SNRPN: variants seen among roughly 807,000 people sequenced by gnomAD.
The protein encoded by SNRPN is small nuclear ribonucleoprotein-associated protein N.
A neutral mutation model predicts 25.2 loss-of-function variants in SNRPN; 7 were observed. The ratio of observed to expected loss-of-function variants is 0.28; its 90% CI spans 0.16 to 0.52. SNRPN has a LOEUF of 0.52. Among genes scored for constraint, SNRPN ranks in the 20% least tolerant of loss-of-function variants. The pLI, the probability that SNRPN is intolerant of heterozygous loss-of-function variation, is 0.96. For missense variants in SNRPN, 196 were observed against 322.5 expected (o/e 0.61, Z 3.00); for synonymous variants, 124 against 110.6 (o/e 1.12, Z -0.76).
chr15:24,929,959 G>A lies in SNRPN; in HGVS notation c.-391+9835G>A, dbSNP rs11855695. 2.6e-3 allele frequency among the ~76,000 whole-genome samples: 389 copies of A among 152,078 alleles called. 1 individual carries two copies. The highest frequency in any genetic ancestry group is 8.6e-3 in the African/African-American group (355 of 41,496). On this transcript the variant is annotated intron_variant, in intron 3 of 11. Coordinates refer to the SNRPN transcript ENST00000400097. The surrounding 1 kb of genome is among the most constrained non-coding windows in gnomAD (Gnocchi z 5.3). ...TCCCAGCACTTTGGGAGGCCAAGGC[G>A]GGTGGATCACGAGGTCAGGAGATCA...
chr15:24,928,771 AT>A (rs201347453), intron 3 of SNRPN, among the ~76,000 whole-genome samples: 3 of 150,864 alleles, frequency 2.0e-5, no homozygotes, highest in East Asian at 1.9e-4. Context: ...ATGCCTAGCT[AT>A]TTTTTTTTAA....
chr15:24,917,840 T>C lies in SNRPN; in HGVS notation c.-504-2171T>C, dbSNP rs139027975. On this transcript the variant is annotated intron_variant, in intron 2 of 11. Transcript: ENST00000400097. ...AGTCTTAACAATGTACCCTGTAAAATAAGATTTTAAAAGAGCCAACTTCCC... is the reference window on the plus strand; with the variant it reads ...AGTCTTAACAATGTACCCTGTAAAACAAGATTTTAAAAGAGCCAACTTCCC... 3.5e-3 allele frequency among the ~76,000 whole-genome samples: 530 copies of C among 152,356 alleles called. 4 individuals are homozygous for C. Among genetic ancestry groups the C allele is most frequent in the African/African-American group, 0.012 (485 of 41,590 alleles).
chr15:24,885,711 TGGG>T (rs1157640085), intron 1 of SNRPN, among the ~76,000 whole-genome samples: 1 of 135,110 alleles, frequency 7.4e-6, no homozygotes, highest in Non-Finnish European at 1.6e-5. Context: ...GGAAGGAATC[TGGG>T]GCTGTGTGTG....
At chr15:24,837,369 GA>G (rs1417129761) in intron 2 of SNRPN, among the ~76,000 whole-genome samples, 1 of 123,336 alleles carries the variant, frequency 8.1e-6, no homozygotes, top group Non-Finnish European at 1.7e-5. Context: ...GGGGGCTACA[GA>G]TTTTTTTTTT....
intron 3 of SNRPN, among the ~76,000 whole-genome samples, chr15:24,972,898 C>G (rs1310098896): frequency 2.0e-5 from 3 of 151,640 alleles, no homozygotes; most frequent in Non-Finnish European, 4.4e-5. Flanking sequence ...CCCACCACCC[C>G]CAACCCTGAG....
At chr15:24,908,939 G>A in intron 2 of SNRPN, 1 of 1,227,814 alleles carries the variant, frequency 8.1e-7, no homozygotes, top group South Asian at 1.3e-5. Context: ...TTAGCTCTCA[G>A]CAGCCTGCTT....
intron 2 of SNRPN, among the ~76,000 whole-genome samples, chr15:24,893,077 T>A (rs190619121): frequency 1.5e-3 from 232 of 151,642 alleles, no homozygotes; most frequent in Non-Finnish European, 2.7e-3. Flanking sequence ...GGCATGGAGG[T>A]GCACGTCTGT....
At chr15:24,850,355 G>C (rs1396868184) in intron 2 of SNRPN, 1 of 152,112 alleles carries the variant, frequency 6.6e-6, no homozygotes, top group Non-Finnish European at 1.5e-5. Context: ...TTGTTGTCCA[G>C]GCTGGAGTGC....
rs547946932 is a variant in SNRPN at position 24,835,735 on chromosome 15, A to G, written c.-579+5830A>G. ...ACAACTTTTTAAACGTACCATGGGG[A>G]AGAAAGGTCCAGAACCTATGCGCGG... On this transcript the variant is annotated intron_variant, in intron 2 of 12. Coordinates refer to the SNRPN transcript ENST00000400100. 8.5e-5 allele frequency among the ~76,000 whole-genome samples: 13 copies of G among 152,272 alleles called. 1 individual carries two copies. In the South Asian group the frequency reaches 2.7e-3, roughly 32 times the overall value.
intron 2 of SNRPN, among the ~76,000 whole-genome samples, chr15:24,888,255 T>C (rs12437592): frequency 0.19 from 29,349 of 151,598 alleles, 3,099 homozygotes; most frequent in Middle Eastern, 0.35. Flanking sequence ...ATTACAGGTG[T>C]CCGCCACCAT....
chr15:24,959,672 C>T (rs572573402), intron 1 of SNRPN, among the ~76,000 whole-genome samples: 18 of 152,204 alleles, frequency 1.2e-4, no homozygotes, highest in African/African-American at 4.3e-4. Context: ...ACATTATTAG[C>T]TGTATTTGTG....
intron 1 of SNRPN, among the ~76,000 whole-genome samples, chr15:24,864,339 CTTT>C (rs58622804): frequency 0.052 from 6,078 of 116,176 alleles, 393 homozygotes; most frequent in African/African-American, 0.17. Context: ...CTCTTCTTTT[CTTT>C]TTTTTTTTTT....
intron 2 of SNRPN, among the ~76,000 whole-genome samples, chr15:24,911,732 C>A (rs904973311): frequency 6.6e-6 from 1 of 152,182 alleles, no homozygotes; most frequent in Non-Finnish European, 1.5e-5. Context: ...CAGAGAACTG[C>A]TGTAGGGGCA....
At chr15:24,825,209 T>G (rs2049994131) in intron 1 of SNRPN, among the ~76,000 whole-genome samples, 2 of 152,024 alleles carry the variant, frequency 1.3e-5, no homozygotes, top group Admixed American at 6.5e-5. Flanking sequence ...AGAGCAGACC[T>G]TGGTTAATTT....
chr15:24,932,648 G>GT (rs71127027), intron 3 of SNRPN, among the ~76,000 whole-genome samples: 52,353 of 144,976 alleles, frequency 0.36, 10,367 homozygotes, highest in Middle Eastern at 0.47. Flanking sequence ...GTCTGTAAAT[G>GT]TTTTTTTTTT....
chr15:24,978,045 T>C, intron 8 of SNRPN, 129 bp downstream of exon 8: 1 of 1,205,696 alleles, frequency 8.3e-7, no homozygotes, highest in Non-Finnish European at 1.2e-6. Flanking sequence ...TGGTTTTTAA[T>C]GAAAGACATA....
chr15:24,892,789 G>A (rs2057779940), intron 2 of SNRPN, among the ~76,000 whole-genome samples: 1 of 152,102 alleles, frequency 6.6e-6, no homozygotes, highest in South Asian at 2.1e-4. Flanking sequence ...ATGCCAAAAA[G>A]AGGGAGGTAG....
At chr15:24,972,929 C>T (rs1272038239) in intron 3 of SNRPN, among the ~76,000 whole-genome samples, 1 of 152,106 alleles carries the variant, frequency 6.6e-6, no homozygotes, top group East Asian at 1.9e-4. Context: ...GCTCTGTTGC[C>T]CAGGCTGGAG....
intron 2 of SNRPN, among the ~76,000 whole-genome samples, chr15:24,837,668 T>C (rs1306081829): frequency 3.4e-5 from 5 of 148,196 alleles, no homozygotes; most frequent in East Asian, 4.2e-4. Context: ...CATGCCCGGC[T>C]TGGGGGGCTA....
Sources: gnomAD v4.1 joint callset for allele counts (sites outside exome capture counted in the v4.1 genomes callset) on GRCh38, gnomAD v4.1.1 for gene constraint, Gnocchi (gnomAD v3.1) non-coding constraint, MANE v1.5 for transcripts, NCBI Gene and HGNC (gene_info 2026-07-23, HGNC 2026-07-21) for gene names.